The following ANKS1B variants were observed in gnomAD, a reference collection of about 807,000 sequenced individuals.
The protein encoded by ANKS1B is ankyrin repeat and sterile alpha motif domain containing 1B, also known as ankyrin repeat and sterile alpha motif domain-containing protein 1B.
A neutral mutation model predicts 148.3 loss-of-function variants in ANKS1B; 36 were observed. The ratio of observed to expected loss-of-function variants is 0.24; its 90% CI spans 0.19 to 0.32. The LOEUF is 0.32. Ranked by LOEUF, ANKS1B falls within the 10% of genes least tolerant of loss-of-function variation. ANKS1B has a pLI of 1.00. For missense variants in ANKS1B, 1,157 were observed against 1,542.6 expected (o/e 0.75, Z 4.19); for synonymous variants, 542 against 560.8 (o/e 0.97, Z 0.47).
chr12:99,868,118 C>A (rs2090998464), intron 1 of ANKS1B, among the ~76,000 whole-genome samples: 3 of 151,994 alleles, frequency 2.0e-5, no homozygotes, highest in African/African-American at 7.2e-5. Flanking sequence ...AAGAAACTAG[C>A]AAACTGGCAA....
In ANKS1B at chr12:98,747,723, G is replaced by T. The variant is rs569869804; in HGVS notation, c.3748-1874C>A. Among the ~76,000 whole-genome samples, 4 of 152,344 alleles carry T rather than the reference G, an allele frequency of 2.6e-5. No homozygotes were observed. In the East Asian group the frequency reaches 7.7e-4, roughly 29 times the overall value. The stretch of plus-strand genomic sequence containing the variant: ...TCAAACTAAGTGTCCATCAATGGAC[G>T]AATGGGTAAAGAAAATGTGGTATAT... On this transcript the variant is annotated intron_variant, in intron 26 of 26. Coordinates refer to ENST00000683438, the MANE Select transcript of ANKS1B (RefSeq NM_001352186.2).
chr12:99,302,030 C>A (rs990351037), intron 12 of ANKS1B, among the ~76,000 whole-genome samples: 16 of 152,174 alleles, frequency 1.1e-4, no homozygotes, highest in African/African-American at 3.6e-4. Flanking sequence ...AGCAGAAACA[C>A]AGAAAACAGG....
chr12:99,314,784 C>A (rs905515918), intron 12 of ANKS1B, among the ~76,000 whole-genome samples: 2 of 152,136 alleles, frequency 1.3e-5, no homozygotes, highest in African/African-American at 4.8e-5. Flanking sequence ...GGATTAAAGA[C>A]TTAAACGTAA....
chr12:98,947,834 C>T (rs1272527832), intron 17 of ANKS1B, among the ~76,000 whole-genome samples: 2 of 152,174 alleles, frequency 1.3e-5, no homozygotes, highest in African/African-American at 4.8e-5. Context: ...TGACGATATC[C>T]CTCCTTTGTT....
intron 10 of ANKS1B, among the ~76,000 whole-genome samples, chr12:99,465,261 C>T (rs956504022): frequency 4.6e-5 from 7 of 152,002 alleles, no homozygotes; most frequent in African/African-American, 1.5e-4. Context: ...TTGTCACCAC[C>T]AGGCCTGCCC....
chr12:99,363,856 G>A (rs1181580006), intron 12 of ANKS1B, among the ~76,000 whole-genome samples: 1 of 152,098 alleles, frequency 6.6e-6, no homozygotes, highest in East Asian at 1.9e-4. Context: ...CAACTTACAT[G>A]TAAACGGGAG....
intron 4 of ANKS1B, among the ~76,000 whole-genome samples, chr12:99,795,695 T>C (rs1309703607): frequency 1.3e-5 from 2 of 152,000 alleles, no homozygotes; most frequent in Non-Finnish European, 2.9e-5. Flanking sequence ...AAGGTCCCAC[T>C]TTATACACAG....
At chr12:99,193,994 G>A (rs2081082109) in intron 14 of ANKS1B, among the ~76,000 whole-genome samples, 1 of 151,492 alleles carries the variant, frequency 6.6e-6, no homozygotes, top group African/African-American at 2.4e-5. Flanking sequence ...TAGAGATGGG[G>A]TTTCATCATG....
At chr12:99,950,949 A>G (rs554384811) in intron 1 of ANKS1B, among the ~76,000 whole-genome samples, 4 of 152,176 alleles carry the variant, frequency 2.6e-5, no homozygotes, top group African/African-American at 9.7e-5. Flanking sequence ...AAATTGTTTA[A>G]TCCTTCCAGG....
At chr12:98,743,527 G>A (rs868368968), downstream of ANKS1B, among the ~76,000 whole-genome samples, 5 of 151,484 alleles carry the variant, frequency 3.3e-5, no homozygotes, top group Non-Finnish European at 7.4e-5. Context: ...TCAATGCATG[G>A]GCCGCCTCTC....
chr12:99,740,002 T>C (rs2059944865), intron 8 of ANKS1B, among the ~76,000 whole-genome samples: 1 of 152,158 alleles, frequency 6.6e-6, no homozygotes. Flanking sequence ...ACTAAGAACA[T>C]TACCTGGCAC....
At chr12:99,204,534 C>T (rs1302715219) in intron 14 of ANKS1B, among the ~76,000 whole-genome samples, 1 of 152,158 alleles carries the variant, frequency 6.6e-6, no homozygotes, top group Non-Finnish European at 1.5e-5. Context: ...TAGTTTTATG[C>T]TTTTTAGAAA....
intron 4 of ANKS1B, among the ~76,000 whole-genome samples, chr12:99,796,858 G>A (rs1344736477): frequency 6.6e-6 from 1 of 151,834 alleles, no homozygotes; most frequent in East Asian, 1.9e-4. Flanking sequence ...GCTATGTTAA[G>A]TAGAACTAAT....
At chr12:99,282,307 G>A (rs1436814910) in intron 12 of ANKS1B, among the ~76,000 whole-genome samples, 1 of 152,170 alleles carries the variant, frequency 6.6e-6, no homozygotes, top group East Asian at 1.9e-4. Flanking sequence ...TGCCAGTGTG[G>A]CTGGAGCAAA....
intron 14 of ANKS1B, among the ~76,000 whole-genome samples, chr12:99,181,898 G>A (rs1218715060): frequency 6.6e-6 from 1 of 151,812 alleles, no homozygotes; most frequent in Admixed American, 6.6e-5. Flanking sequence ...TCAAACACCA[G>A]ATCTTATTCA....
At chr12:99,193,367 C>G (rs2080981105) in intron 14 of ANKS1B, among the ~76,000 whole-genome samples, 1 of 152,168 alleles carries the variant, frequency 6.6e-6, no homozygotes. Context: ...ACCCTATACC[C>G]AGAAACTAAG....
chr12:99,572,900 C>T (rs1326184526), intron 9 of ANKS1B, among the ~76,000 whole-genome samples: 1 of 151,932 alleles, frequency 6.6e-6, no homozygotes, highest in African/African-American at 2.4e-5. Flanking sequence ...ATCGTGTTTA[C>T]ATTCTTACGG....
chr12:99,837,399 A>C (rs1470131259), intron 1 of ANKS1B, among the ~76,000 whole-genome samples: 1 of 152,174 alleles, frequency 6.6e-6, no homozygotes, highest in African/African-American at 2.4e-5. Flanking sequence ...AGGTGTGCTT[A>C]TTGTAATTAA....
At chr12:99,902,193 C>T (rs2093623538) in intron 1 of ANKS1B, among the ~76,000 whole-genome samples, 1 of 152,212 alleles carries the variant, frequency 6.6e-6, no homozygotes, top group South Asian at 2.1e-4. Flanking sequence ...CAGTATAAAG[C>T]CTCTCTGAGG....
Sources: gnomAD v4.1 joint callset for allele counts (sites outside exome capture counted in the v4.1 genomes callset) on GRCh38, gnomAD v4.1.1 for gene constraint, MANE v1.5 for transcripts, NCBI Gene and HGNC (gene_info 2026-07-23, HGNC 2026-07-21) for gene names.